The following TRIM4 variants were observed in gnomAD, a reference collection of about 807,000 sequenced individuals.
TRIM4 encodes the protein E3 ubiquitin-protein ligase TRIM4.
A neutral mutation model predicts 33.7 loss-of-function variants in TRIM4; 29 were observed. The ratio of observed to expected loss-of-function variants is 0.86; its 90% CI spans 0.64 to 1.17. TRIM4 has a LOEUF of 1.17. TRIM4 is among the 50% of genes most tolerant of loss of function. The pLI, the probability that TRIM4 is intolerant of heterozygous loss-of-function variation, is 0.00. For missense variants in TRIM4, 554 were observed against 593.7 expected (o/e 0.93, Z 0.69); for synonymous variants, 224 against 233.0 (o/e 0.96, Z 0.35).
chr7:99,905,624 A>G (rs1055524341), intron 3 of TRIM4, among the ~76,000 whole-genome samples: 1 of 152,184 alleles, frequency 6.6e-6, no homozygotes, highest in Admixed American at 6.5e-5. Context: ...GCAGCATCCT[A>G]CACACAAGAG....
In TRIM4 at chr7:99,917,476, T is replaced by C. The variant is rs192175407; in HGVS notation, c.393+1533A>G. ...TGCTCACGCCTGTAATCCCAGCACT[T>C]TGGGAGGCCAAGGTGGGTGGATCAC... On this transcript the variant is annotated intron_variant, in intron 1 of 5. Coordinates refer to ENST00000349062, the MANE Select transcript of TRIM4 (RefSeq NM_033091.3). Among the ~76,000 whole-genome samples the C allele has an allele frequency of 5.3e-5, 8 of 152,304 alleles. No homozygotes were observed. The East Asian group carries it at 1.3e-3, about 26-fold the overall frequency.
At chr7:99,896,530 A>G (rs1302397291) in intron 5 of TRIM4, among the ~76,000 whole-genome samples, 3 of 152,220 alleles carry the variant, frequency 2.0e-5, no homozygotes, top group Non-Finnish European at 4.4e-5. Flanking sequence ...CACCCAGCAT[A>G]TAAGTCCTCA....
chr7:99,910,862 T>A (rs1330425052), intron 1 of TRIM4, among the ~76,000 whole-genome samples: 1 of 152,098 alleles, frequency 6.6e-6, no homozygotes, highest in Admixed American at 6.5e-5. Flanking sequence ...AGTGCAGAGA[T>A]GGAAGCAGAA....
intron 3 of TRIM4, chr7:99,908,231 G>T: frequency 5.4e-6 from 1 of 184,952 alleles, no homozygotes; most frequent in Non-Finnish European, 1.1e-5. Context: ...GTTGATAACA[G>T]TTATGTACTT....
chr7:99,901,164 T>C (rs1819158517), intron 5 of TRIM4: 1 of 152,232 alleles, frequency 6.6e-6, no homozygotes, highest in African/African-American at 2.4e-5. Flanking sequence ...TTTCATTTTT[T>C]TGTAGTTTCC....
At chr7:99,918,944 C>T in intron 1 of TRIM4, 65 bp downstream of exon 1, 1 of 1,504,454 alleles carries the variant, frequency 6.6e-7, no homozygotes, top group Non-Finnish European at 8.9e-7. Context: ...CTTTTAGGAG[C>T]ATTAAGTAAA....
At chr7:99,898,187 A>G (rs977343993) in intron 5 of TRIM4, among the ~76,000 whole-genome samples, 3 of 152,232 alleles carry the variant, frequency 2.0e-5, no homozygotes, top group South Asian at 4.1e-4. Flanking sequence ...ACAAGATGAC[A>G]TATTTTCCAC....
At chr7:99,909,282 C>A (rs769390069) in intron 2 of TRIM4, among the ~76,000 whole-genome samples, 1 of 152,002 alleles carries the variant, frequency 6.6e-6, no homozygotes, top group Non-Finnish European at 1.5e-5. Context: ...AAAGTAGAGA[C>A]ATGGGGATGA....
chr7:99,894,256 T>C lies in TRIM4; in HGVS notation c.842-1510A>G, dbSNP rs553687428. Among the ~76,000 whole-genome samples the C allele has an allele frequency of 1.7e-3, 260 of 152,316 alleles. 1 individual carries two copies. Among genetic ancestry groups the C allele is most frequent in the African/African-American group, 6.0e-3 (249 of 41,568 alleles). On this transcript the variant is annotated intron_variant, in intron 5 of 5. Coordinates refer to ENST00000349062, the MANE Select transcript of TRIM4 (RefSeq NM_033091.3). ...TCTTTGTCTGATTTTGGCATCATGG[T>C]AATACAGGCCTCACAGAAAGAATTG...
intron 1 of TRIM4, chr7:99,916,617 AC>A (rs1397590472): frequency 4.1e-6 from 3 of 738,818 alleles, no homozygotes; most frequent in African/African-American, 3.5e-5. Flanking sequence ...CTAATTGATC[AC>A]CAAGTCATTC....
At chr7:99,909,695 A>G (rs1819391722) in intron 1 of TRIM4, 35 bp from the exon 2 acceptor site, 1 of 1,420,172 alleles carries the variant, frequency 7.0e-7, no homozygotes, top group Non-Finnish European at 9.7e-7. Flanking sequence ...AAGAAAACAC[A>G]TCTCCAACCA....
intron 3 of TRIM4, among the ~76,000 whole-genome samples, chr7:99,906,370 TTAAA>T: frequency 6.6e-6 from 1 of 152,058 alleles, no homozygotes. Context: ...CTTTTTTTTT[TTAAA>T]TAGAGACAAG....
Position 99,919,064 on chromosome 7 carries a change from T to C in TRIM4, c.338A>G (p.Gln113Arg), listed in dbSNP as rs747673886. 3 of 1,574,742 alleles carry C rather than the reference T, an allele frequency of 1.9e-6. No homozygotes were observed. Among genetic ancestry groups the C allele is most frequent in the South Asian group, 2.3e-5 (2 of 86,044 alleles). The change falls in exon 1 of 6, where the codon CAG becomes CGG. Residue 113 changes from glutamine to arginine, a missense_variant. By Grantham distance (43) the Gln-to-Arg change is conservative. Around this residue, in one of 3 missense-constraint regions of TRIM4, gnomAD observed 233 missense variants for 203.1 expected, o/e 1.15. Transcript: ENST00000349062. ...TGCCATGGCGTGAGTCTGGTGCTCC[T>C]GGGACTCCCTGCACACCAGGCACAC... ...RPVCLVCRES[Q>R]EHQTHAMAPI...
chr7:99,901,710 G>A (rs187097631), intron 5 of TRIM4: 230 of 165,892 alleles, frequency 1.4e-3, no homozygotes, highest in Middle Eastern at 5.3e-3. Context: ...TGGCTGATAG[G>A]AACTGGCACT....
At chr7:99,900,864 A>G (rs1307795985) in intron 5 of TRIM4, among the ~76,000 whole-genome samples, 1 of 151,682 alleles carries the variant, frequency 6.6e-6, no homozygotes, top group African/African-American at 2.4e-5. Context: ...TGCATTTAAG[A>G]TTTTCTTTTT....
In TRIM4 at chr7:99,902,289, C is replaced by T. The variant is rs1819194005; in HGVS notation, c.841+929G>A. 4 of 678,298 alleles carry T rather than the reference C, an allele frequency of 5.9e-6. No homozygotes were observed. The Admixed American group carries it at 6.2e-5, about 11-fold the overall frequency. 42.0% of individuals were successfully genotyped at this position (678,298 alleles called of 1,614,324 possible). ...TGAGACAGAGTCTCACTCTATCGCC[C>T]AGTCTGGAGTGCAGTGGATACAATC... is the stretch of plus-strand genomic sequence containing the variant. On this transcript the variant is annotated intron_variant, in intron 5 of 5. Coordinates refer to ENST00000349062, the MANE Select transcript of TRIM4 (RefSeq NM_033091.3).
rs1210317728 is a variant in TRIM4 at position 99,902,036 on chromosome 7, G to A, written c.841+1182C>T. ...GGTCTGGAAACTCCCTCAGGCAGAGGGTAGGGCAATCATAGGCTGACCTCA... is the reference window on the plus strand; with the variant it reads ...GGTCTGGAAACTCCCTCAGGCAGAGAGTAGGGCAATCATAGGCTGACCTCA... On this transcript the variant is annotated intron_variant, in intron 5 of 5. Coordinates refer to ENST00000349062, the MANE Select transcript of TRIM4 (RefSeq NM_033091.3). The A allele has an allele frequency of 1.1e-5, 8 of 743,904 alleles. No homozygotes were observed. In the Admixed American group the frequency reaches 1.3e-4, roughly 12 times the overall value. 46.1% of individuals were successfully genotyped at this position (743,904 alleles called of 1,614,324 possible).
At chr7:99,907,678 C>G (rs1044514287) in intron 3 of TRIM4, among the ~76,000 whole-genome samples, 7 of 152,178 alleles carry the variant, frequency 4.6e-5, no homozygotes, top group Admixed American at 6.5e-5. Flanking sequence ...TAGGTTATAT[C>G]TATCATATAA....
intron 5 of TRIM4, among the ~76,000 whole-genome samples, chr7:99,895,128 T>C (rs1818987424): frequency 6.6e-6 from 1 of 152,214 alleles, no homozygotes; most frequent in Non-Finnish European, 1.5e-5. Context: ...TGCTCCTCTT[T>C]CTCTAGTGTC....
Sources: gnomAD v4.1 joint callset for allele counts (sites outside exome capture counted in the v4.1 genomes callset) on GRCh38, gnomAD v4.1.1 for gene constraint, gnomAD v4.1.1 regional missense constraint, MANE v1.5 for transcripts, NCBI Gene and HGNC (gene_info 2026-07-23, HGNC 2026-07-21) for gene names.